Variants in RAPGEF4 observed in about 807,000 individuals in gnomAD.
The protein encoded by RAPGEF4 is RAP guanine-nucleotide-exchange factor (GEF) 4.
RAPGEF4 carries 66 observed loss-of-function variants against 147.9 expected under a neutral mutation model. The observed-to-expected ratio is 0.45, with a 90% CI of 0.37 to 0.55. RAPGEF4 has a LOEUF of 0.55. RAPGEF4 is among the 20% of genes least tolerant of loss of function. RAPGEF4 has a pLI of 0.00. For synonymous variants in RAPGEF4, 419 were observed against 442.7 expected, an observed-to-expected ratio of 0.95 and a Z score of 0.67; for missense variants, 1,071 against 1,257.3, an observed-to-expected ratio of 0.85 and a Z score of 2.24.
intron 1 of RAPGEF4, among the ~76,000 whole-genome samples, chr2:172,752,086 G>GAAAGGTACTATCAT (rs1695355618): frequency 1.1e-4 from 1 of 8,774 alleles, no homozygotes; most frequent in Non-Finnish European, 8.2e-4. Flanking sequence ...CATTTAAATG[G>GAAAGGTACTATCAT]TGTTGTAAAG....
At chr2:172,922,530 A>G (rs746748083) in intron 6 of RAPGEF4, among the ~76,000 whole-genome samples, 2 of 152,238 alleles carry the variant, frequency 1.3e-5, no homozygotes, top group Non-Finnish European at 2.9e-5. Flanking sequence ...GTCTGAAGAA[A>G]GGTTATTCTA....
chr2:172,751,422 G>T (rs78595319), intron 1 of RAPGEF4, among the ~76,000 whole-genome samples: 15 of 152,270 alleles, frequency 9.9e-5, no homozygotes, highest in Non-Finnish European at 1.5e-4. Flanking sequence ...ATACAGTGGT[G>T]ATAGAATAGG....
At chr2:172,983,724 G>A (rs1691938779) in intron 11 of RAPGEF4, 144 bp downstream of exon 11, 1 of 1,406,206 alleles carries the variant, frequency 7.1e-7, no homozygotes, top group African/African-American at 1.5e-5. Flanking sequence ...ACGAGATGCT[G>A]AGGAAGTTAT....
intron 4 of RAPGEF4, among the ~76,000 whole-genome samples, chr2:172,889,009 G>A (rs951024767): frequency 6.6e-6 from 1 of 152,142 alleles, no homozygotes; most frequent in Non-Finnish European, 1.5e-5. Context: ...TTCACCGAGG[G>A]AAAGACACAG....
At chr2:172,936,133 C>A (rs1686534907) in intron 6 of RAPGEF4, among the ~76,000 whole-genome samples, 1 of 152,056 alleles carries the variant, frequency 6.6e-6, no homozygotes, top group Admixed American at 6.6e-5. Context: ...CTTTGGGAGG[C>A]CGAGGTGGGT....
chr2:172,904,392 A>G (rs983769052), intron 4 of RAPGEF4, among the ~76,000 whole-genome samples: 2 of 152,226 alleles, frequency 1.3e-5, no homozygotes, highest in African/African-American at 4.8e-5. Flanking sequence ...AGGATTTACT[A>G]TGCAATAACA....
rs534619248 is a variant in RAPGEF4, at chr2:172,956,630, C to T, written c.538-4130C>T. 3.3e-5 allele frequency among the ~76,000 whole-genome samples: 5 copies of T among 152,112 alleles called. No individual in the cohort carries two copies. In the South Asian group the frequency reaches 6.2e-4, roughly 19 times the overall value. The stretch of plus-strand genomic sequence containing the variant: ...GACTACAGGTGCCCGCCACCACGCC[C>T]GGCTAATTTTTTTGTATTTTTAGTA... On this transcript the variant is annotated intron_variant, in intron 6 of 30. Coordinates refer to ENST00000397081, the MANE Select transcript of RAPGEF4 (RefSeq NM_007023.4).
intron 1 of RAPGEF4, among the ~76,000 whole-genome samples, chr2:172,794,108 CA>C (rs1375343362): frequency 6.6e-6 from 1 of 151,298 alleles, no homozygotes; most frequent in African/African-American, 2.4e-5. Context: ...GCCTGGGTGA[CA>C]AAGTGAGCCT....
At chr2:172,825,244 A>G (rs1028530853) in intron 4 of RAPGEF4, among the ~76,000 whole-genome samples, 1 of 152,264 alleles carries the variant, frequency 6.6e-6, no homozygotes, top group African/African-American at 2.4e-5. Flanking sequence ...TGGCCAAATC[A>G]TCTAACACAA....
intron 4 of RAPGEF4, among the ~76,000 whole-genome samples, chr2:172,823,432 C>A (rs902997988): frequency 7.2e-5 from 11 of 152,334 alleles, no homozygotes; most frequent in African/African-American, 2.6e-4. Context: ...CTGGAGAAAT[C>A]CGCTCTGGGG....
Position 172,990,892 on chromosome 2 carries a change from C to T in RAPGEF4, c.1457C>T (p.Ala486Val). The T allele has an allele frequency of 6.2e-7, 1 of 1,613,922 alleles. No homozygotes were observed. Among genetic ancestry groups the T allele is most frequent in the Non-Finnish European group, 8.5e-7 (1 of 1,179,886 alleles). ...GAGAAGGTCCCAGCAGGGAACAGAGCTTCTAATCAAGGAAACTCACAGCCT... is the reference window on the plus strand; with the variant it reads ...GAGAAGGTCCCAGCAGGGAACAGAGTTTCTAATCAAGGAAACTCACAGCCT... ...VLEKVPAGNR[A>V]SNQGNSQPQQ... The change falls in exon 15 of 31, where the codon GCT (alanine) becomes GTT (valine). Residue 486 changes from alanine (A) to valine (V), a missense_variant. Ala to Val is a moderately conservative substitution (Grantham distance 64). Coordinates refer to ENST00000397081, the MANE Select transcript of RAPGEF4 (RefSeq NM_007023.4).
At chr2:172,847,331 G>A (rs775226155) in intron 4 of RAPGEF4, among the ~76,000 whole-genome samples, 1 of 152,146 alleles carries the variant, frequency 6.6e-6, no homozygotes, top group African/African-American at 2.4e-5. Flanking sequence ...ACTATTTAGG[G>A]AAACAATATG....
intron 1 of RAPGEF4, among the ~76,000 whole-genome samples, chr2:172,751,362 G>A (rs896291337): frequency 1.3e-5 from 2 of 152,148 alleles, no homozygotes; most frequent in Admixed American, 6.5e-5. Flanking sequence ...TTCAAAAAAC[G>A]ATTTATGGGG....
intron 4 of RAPGEF4, among the ~76,000 whole-genome samples, chr2:172,886,871 G>A (rs1216391210): frequency 6.6e-6 from 1 of 152,132 alleles, no homozygotes; most frequent in African/African-American, 2.4e-5. Flanking sequence ...CTTTTACGTG[G>A]GAAAGCATGC....
intron 1 of RAPGEF4, among the ~76,000 whole-genome samples, chr2:172,782,509 C>T (rs1287928029): frequency 6.6e-6 from 1 of 152,214 alleles, no homozygotes; most frequent in Non-Finnish European, 1.5e-5. Context: ...ACTCTTTCAA[C>T]CCAAAGCCCT....
chr2:173,005,881 A>G (rs1156810683), intron 17 of RAPGEF4, among the ~76,000 whole-genome samples: 1 of 152,122 alleles, frequency 6.6e-6, no homozygotes, highest in Non-Finnish European at 1.5e-5. Context: ...ACTGCCCGAG[A>G]TCCTGCATAT....
At chr2:172,753,953 C>T (rs887634796) in intron 1 of RAPGEF4, among the ~76,000 whole-genome samples, 28 of 152,012 alleles carry the variant, frequency 1.8e-4, no homozygotes, top group African/African-American at 6.8e-4. Flanking sequence ...AGAGAGTTAC[C>T]AATTAACATG....
intron 6 of RAPGEF4, among the ~76,000 whole-genome samples, chr2:172,957,165 A>G (rs1433106444): frequency 2.0e-5 from 3 of 152,224 alleles, no homozygotes; most frequent in Non-Finnish European, 2.9e-5. Flanking sequence ...AAGGAGATAC[A>G]TGTAAAGGAG....
rs1446343668 is a variant in RAPGEF4, at chr2:172,967,199, T to G, written c.821-62T>G. The G allele has an allele frequency of 7.9e-6, 12 of 1,512,680 alleles. No individual in the cohort carries two copies. The East Asian group carries it at 2.5e-4, about 31-fold the overall frequency. 93.7% of individuals were successfully genotyped at this position (1,512,680 alleles called of 1,614,324 possible). A position where few individuals can be genotyped will look rare whatever the true frequency, so the allele number is the denominator to read the frequency against. ...CTGCCTGACACTCTGCATTTGTTTC[T>G]AGTAAACGGAGCTGTGAGGCCGAGG... On this transcript the variant is annotated intron_variant, in intron 9 of 30. Transcript: ENST00000397081.
Sources: gnomAD v4.1 joint callset for allele counts (sites outside exome capture counted in the v4.1 genomes callset) on GRCh38, gnomAD v4.1.1 for gene constraint, MANE v1.5 for transcripts, NCBI Gene and HGNC (gene_info 2026-07-23, HGNC 2026-07-21) for gene names.